Variants in LAMP5 observed in about 807,000 individuals in gnomAD.
LAMP5 encodes the protein lysosome-associated membrane glycoprotein 5.
LAMP5 carries 36 observed loss-of-function variants against 30.2 expected under a neutral mutation model. The observed-to-expected ratio is 1.19, with a 90% CI of 0.91 to 1.57. The LOEUF (loss-of-function observed/expected upper bound fraction) is 1.57. LAMP5 is among the 40% of genes most tolerant of loss of function. LAMP5 has a pLI of 0.00. For synonymous variants in LAMP5, 149 were observed against 134.6 expected, an observed-to-expected ratio of 1.11 and a Z score of -0.74; for missense variants, 377 against 354.9, an observed-to-expected ratio of 1.06 and a Z score of -0.50.
At chr20:9,529,619 G>C in intron 5 of LAMP5, 23 bp from the exon 6 acceptor site, 3 of 1,608,840 alleles carry the variant, frequency 1.9e-6, no homozygotes, top group Non-Finnish European at 2.6e-6. Context: ...AGAGCTCTCT[G>C]CTTTTCTTCT....
At chr20:9,529,300 C>G (rs6056673) in intron 5 of LAMP5, among the ~76,000 whole-genome samples, 7,181 of 149,494 alleles carry the variant, frequency 0.048, 360 homozygotes, top group African/African-American at 0.13. Flanking sequence ...GTACATATTA[C>G]TTTAATAAAA....
At position 9,529,635 on chromosome 20, in the gene LAMP5, A is replaced by T. The variant is rs776228158; in HGVS notation, c.665-7A>T. 1.9e-6 allele frequency: 3 copies of T among 1,612,748 alleles called. No homozygotes were observed. The South Asian group carries it at 3.3e-5, about 18-fold the overall frequency. ...GAGCTCTCTGCTTTTCTTCTTTCCC[A>T]TTGCAGAGCATAAATGCCCAGTGGA... On this transcript the variant is annotated splice_region_variant and splice_polypyrimidine_tract_variant and intron_variant, in intron 5 of 5. Coordinates refer to ENST00000246070, the MANE Select transcript of LAMP5 (RefSeq NM_012261.4).
rs751731428 is a variant in LAMP5, at chr20:9,519,215, G to GA, written c.664+995dup. Among the ~76,000 whole-genome samples the GA allele has an allele frequency of 1.4e-3, 218 of 152,010 alleles. 2 individuals are homozygous for GA. In the East Asian group the frequency reaches 0.033, roughly 23 times the overall value. ...TTTTATATTCTGTTTATTCTACATG[G>GA]AAAAAAAATCAGAAAAAATTTTGAT... On this transcript the variant is annotated intron_variant, in intron 5 of 5. Coordinates refer to ENST00000246070, the MANE Select transcript of LAMP5 (RefSeq NM_012261.4).
At chr20:9,529,583 A>T in intron 5 of LAMP5, 59 bp from the exon 6 acceptor site, 2 of 1,510,412 alleles carry the variant, frequency 1.3e-6, no homozygotes, top group Admixed American at 2.0e-5. Context: ...TGTTTTGTAG[A>T]ACTTATGATT....
intron 5 of LAMP5, among the ~76,000 whole-genome samples, chr20:9,520,090 G>A (rs188498412): frequency 2.8e-4 from 42 of 152,332 alleles, no homozygotes; most frequent in Middle Eastern, 3.4e-3. Context: ...CCTAGATAGG[G>A]AAGGCTGCTG....
At chr20:9,524,042 A>G (rs2045095653) in intron 5 of LAMP5, among the ~76,000 whole-genome samples, 2 of 152,370 alleles carry the variant, frequency 1.3e-5, no homozygotes, top group East Asian at 1.9e-4. Flanking sequence ...ACTGTCACCA[A>G]TAGAAATCAT....
chr20:9,529,657 T>C lies in LAMP5; in HGVS notation c.680T>C (p.Val227Ala). The stretch of plus-strand genomic sequence containing the variant: ...CCCATTGCAGAGCATAAATGCCCAG[T>C]GGATGAGCGGGAGCAACTGGAAGAA... ...FVFSEEHKCP[V>A]DEREQLEETL... Residue 227 changes from valine (V) to alanine (A), a missense_variant, in exon 6 of 6, where the codon GTG becomes GCG. Transcript: ENST00000246070. 2 of 1,614,172 alleles carry C rather than the reference T, an allele frequency of 1.2e-6. No individual in the cohort carries two copies. Among genetic ancestry groups the C allele is most frequent in the Non-Finnish European group, 1.7e-6 (2 of 1,180,014 alleles).
chr20:9,514,678 C>T lies in LAMP5; in HGVS notation c.-175C>T. 1.9e-6 allele frequency: 1 copy of T among 535,932 alleles called. No individual in the cohort carries two copies. The highest frequency in any genetic ancestry group is 3.4e-5 in the East Asian group (1 of 29,286). The allele number at this position is 535,932 out of a possible 1,614,324, so 33.2% of individuals were successfully genotyped here. ...TTTGCTCTGCCAGCAGCTGTCGGTG[C>T]CGCGCTCGACACCGAGTCCTAGCTA... On this transcript the variant is annotated 5_prime_UTR_variant, in exon 1 of 6. Coordinates refer to ENST00000246070, the MANE Select transcript of LAMP5 (RefSeq NM_012261.4).
intron 5 of LAMP5, among the ~76,000 whole-genome samples, chr20:9,527,172 T>C (rs6056669): frequency 0.36 from 54,079 of 151,764 alleles, 11,955 homozygotes; most frequent in African/African-American, 0.63. Context: ...TGGGATTCTG[T>C]GGCCTTTTAA....
chr20:9,527,186 C>G (rs1166012898), intron 5 of LAMP5, among the ~76,000 whole-genome samples: 1 of 151,966 alleles, frequency 6.6e-6, no homozygotes, highest in Non-Finnish European at 1.5e-5. Context: ...CTTTTAATGC[C>G]AGTAGTTTAG....
chr20:9,523,838 C>T (rs1388288422), intron 5 of LAMP5, among the ~76,000 whole-genome samples: 1 of 152,288 alleles, frequency 6.6e-6, no homozygotes, highest in East Asian at 1.9e-4. Context: ...AGAGGCCTTC[C>T]TTGTTTTGTA....
Position 9,516,044 on chromosome 20 carries a change from G to A in LAMP5, c.282G>A (p.Glu94=). 4.5e-6 allele frequency: 7 copies of A among 1,539,406 alleles called. No individual in the cohort carries two copies. The highest frequency in any genetic ancestry group is 2.2e-5 in the Admixed American group (1 of 45,656). Residue 94 remains glutamate, a synonymous_variant, in exon 3 of 6, where the codon GAG becomes GAA. Transcript: ENST00000246070. ...ATATCGCATTGACCCGGGGAGCTGA[G>A]GTGAAGGGCCGCTGTGGCCACAGCC... ...QADIALTRGA[E]VKGRCGHSQS...
chr20:9,520,992 A>T (rs139756352), intron 5 of LAMP5, among the ~76,000 whole-genome samples: 1 of 152,262 alleles, frequency 6.6e-6, no homozygotes, highest in African/African-American at 2.4e-5. Context: ...GGCCCCAAGA[A>T]GCTCCATTGC....
chr20:9,522,558 C>G (rs2122840173), intron 5 of LAMP5, among the ~76,000 whole-genome samples: 1 of 152,328 alleles, frequency 6.6e-6, no homozygotes, highest in Non-Finnish European at 1.5e-5. Context: ...GGAGCCCCAG[C>G]CTTCGGCCAT....
In LAMP5 at chr20:9,514,636, C is replaced by G; in HGVS notation, c.-217C>G. 3 of 447,126 alleles carry G rather than the reference C, an allele frequency of 6.7e-6. No individual in the cohort carries two copies. Among genetic ancestry groups the G allele is most frequent in the Non-Finnish European group, 4.1e-6 (1 of 241,858 alleles). The allele number at this position is 447,126 out of a possible 1,614,324, so 27.7% of individuals were successfully genotyped here. ...GCCGTGGACCGCCGTGCGGTCCTTT[C>G]CTCCGCAGTGAGCCGATTTGCTCTG... On this transcript the variant is annotated 5_prime_UTR_variant, in exon 1 of 6. Coordinates refer to ENST00000246070, the MANE Select transcript of LAMP5 (RefSeq NM_012261.4).
Position 9,530,369 on chromosome 20 carries a change from A to C in LAMP5, c.*549A>C, listed in dbSNP as rs2122855274. 1 of 152,842 alleles carries C rather than the reference A, an allele frequency of 6.5e-6. No individual in the cohort carries two copies. Among genetic ancestry groups the C allele is most frequent in the Admixed American group, 6.5e-5 (1 of 15,330 alleles). 9.5% of individuals were successfully genotyped at this position (152,842 alleles called of 1,614,324 possible). On this transcript the variant is annotated 3_prime_UTR_variant, in exon 6 of 6. Transcript: ENST00000246070. ...ATTGTCTTGGGAATGTTTCACTGCT[A>C]CCCGCATCCAGCGACTGCAGCACCA...
At chr20:9,521,717 C>T (rs560781428) in intron 5 of LAMP5, among the ~76,000 whole-genome samples, 1 of 152,280 alleles carries the variant, frequency 6.6e-6, no homozygotes, top group South Asian at 2.1e-4. Context: ...TGGAGAGCCC[C>T]ATGTGATTTC....
At position 9,518,058 on chromosome 20, in the gene LAMP5, A is replaced by G; in HGVS notation, c.494A>G (p.Asn165Ser). The change falls in exon 5 of 6, where the codon AAC becomes AGC. Residue 165 changes from asparagine (N) to serine (S), a missense_variant. By Grantham distance (46) the Asn-to-Ser change is conservative (BLOSUM62 1). Coordinates refer to ENST00000246070, the MANE Select transcript of LAMP5 (RefSeq NM_012261.4). ...GCTGTAGCTGGGAAGCACACAGCCA[A>G]CTCGCACCACCTCTCTGCCTTGGTC... ...DAVSAGKHTA[N>S]SHHLSALVTP... 6.2e-7 allele frequency: 1 copy of G among 1,613,722 alleles called. No homozygotes were observed. The highest frequency in any genetic ancestry group is 8.5e-7 in the Non-Finnish European group (1 of 1,179,996).
intron 5 of LAMP5, 111 bp from the exon 6 acceptor site, chr20:9,529,531 C>T (rs2045135871): frequency 3.5e-6 from 4 of 1,153,862 alleles, no homozygotes; most frequent in Non-Finnish European, 4.8e-6. Flanking sequence ...AAAATAGTCC[C>T]AAAGCTTCCT....
Sources: gnomAD v4.1 joint callset for allele counts (sites outside exome capture counted in the v4.1 genomes callset) on GRCh38, gnomAD v4.1.1 for gene constraint, MANE v1.5 for transcripts, NCBI Gene and HGNC (gene_info 2026-07-23, HGNC 2026-07-21) for gene names.